The following HEPACAM2 variants were observed in gnomAD, a reference collection of about 807,000 sequenced individuals.
HEPACAM2 encodes the protein mitotic kinetics regulator.
Under a neutral mutation model 49.6 loss-of-function variants are expected in HEPACAM2, and 49 were observed. That is an observed-to-expected ratio of 0.99 (90% CI 0.78 to 1.25). The LOEUF (loss-of-function observed/expected upper bound fraction) is 1.25. HEPACAM2 is among the 50% of genes most tolerant of loss of function. HEPACAM2 has a pLI of 0.00. For missense variants in HEPACAM2, 525 were observed against 557.2 expected (o/e 0.94, Z 0.58); for synonymous variants, 197 against 202.9 (o/e 0.97, Z 0.25).
intron 3 of HEPACAM2, among the ~76,000 whole-genome samples, chr7:93,213,718 G>A (rs2116698602): frequency 6.6e-6 from 1 of 152,180 alleles, no homozygotes; most frequent in Middle Eastern, 3.4e-3. Context: ...CAAGAGTCAA[G>A]GAAAATATAA....
intron 3 of HEPACAM2, among the ~76,000 whole-genome samples, chr7:93,213,017 C>G (rs1325739374): frequency 6.6e-6 from 1 of 152,018 alleles, no homozygotes; most frequent in Non-Finnish European, 1.5e-5. Flanking sequence ...AATCACATAT[C>G]ATCTGTTCTC....
upstream of HEPACAM2, chr7:93,226,573 A>G: frequency 1.0e-5 from 7 of 692,590 alleles, no homozygotes; most frequent in Non-Finnish European, 1.3e-5. Context: ...TACAGAATGA[A>G]TGTGTATACA....
chr7:93,222,748 C>T (rs377405646), intron 1 of HEPACAM2, among the ~76,000 whole-genome samples: 3 of 151,994 alleles, frequency 2.0e-5, no homozygotes, highest in Non-Finnish European at 2.9e-5. Context: ...AGGCCTTTCT[C>T]GACTCTCTTA....
chr7:93,202,576 T>A (rs1405660690), intron 4 of HEPACAM2, among the ~76,000 whole-genome samples: 1 of 152,158 alleles, frequency 6.6e-6, no homozygotes, highest in Admixed American at 6.6e-5. Context: ...ATAGCCAGAC[T>A]GCCATCACCA....
Position 93,215,433 on chromosome 7 carries a change from A to C in HEPACAM2, c.683T>G (p.Met228Arg). Residue 228 changes from methionine to arginine, a missense_variant, in exon 3 of 10, where the codon ATG (methionine) becomes AGG (arginine). Met to Arg is a moderately conservative substitution (Grantham distance 91). Transcript: ENST00000394468. ...GATGGGCATAATGATATCACTTTCC[A>C]TTTCACTGACAGGGTTCCTCACCAG... Reference protein sequence around the residue: ...SCLVRNPVSEMESDIIMPIIY... With the variant: ...SCLVRNPVSERESDIIMPIIY... 6.2e-7 allele frequency: 1 copy of C among 1,613,776 alleles called. No homozygotes were observed. Among genetic ancestry groups the C allele is most frequent in the Non-Finnish European group, 8.5e-7 (1 of 1,179,792 alleles).
Position 93,197,551 on chromosome 7 carries a change from T to A in HEPACAM2, c.1072A>T (p.Ile358Leu), listed in dbSNP as rs184972478. The change falls in exon 5 of 10, where the codon ATA becomes TTA. Residue 358 changes from isoleucine (I) to leucine (L), a missense_variant. By Grantham distance (5) the Ile-to-Leu change is conservative. Coordinates refer to ENST00000394468, the MANE Select transcript of HEPACAM2 (RefSeq NM_001039372.4). ...SLSPLASITG[I>L]SLFLIISMCL... ...ATGGATATAATCAAAAATAGTGATA[T>A]TCCAGTTATACTTGCTAAAGGTGAC... 3.0e-5 allele frequency: 48 copies of A among 1,597,044 alleles called. No individual in the cohort carries two copies. The highest frequency in any genetic ancestry group is 1.7e-4 in the Middle Eastern group (1 of 6,010).
intron 3 of HEPACAM2, among the ~76,000 whole-genome samples, chr7:93,211,511 C>G (rs1365578218): frequency 6.6e-6 from 1 of 151,980 alleles, no homozygotes; most frequent in Non-Finnish European, 1.5e-5. Context: ...GTAATGGGAA[C>G]AAAAATTTGT....
At chr7:93,210,391 G>C (rs1420860943) in intron 3 of HEPACAM2, among the ~76,000 whole-genome samples, 1 of 151,898 alleles carries the variant, frequency 6.6e-6, no homozygotes, top group Admixed American at 6.6e-5. Flanking sequence ...TTAAATAGCA[G>C]AGCTGGGTTT....
chr7:93,226,513 T>A, upstream of HEPACAM2: 1 of 1,210,560 alleles, frequency 8.3e-7, no homozygotes, highest in Non-Finnish European at 1.2e-6. Flanking sequence ...CTAGGGAAAT[T>A]AGCAGTGAGG....
intron 5 of HEPACAM2, 26 bp from the exon 6 acceptor site, chr7:93,197,423 G>T (rs774379907): frequency 1.0e-5 from 16 of 1,586,854 alleles, no homozygotes; most frequent in Non-Finnish European, 1.4e-5. Flanking sequence ...AAGAAAAATG[G>T]TAAGGTTTTT....
chr7:93,218,021 C>G (rs1377414305), intron 2 of HEPACAM2, among the ~76,000 whole-genome samples: 1 of 151,800 alleles, frequency 6.6e-6, no homozygotes, highest in Admixed American at 6.6e-5. Context: ...ATGCTAGTAT[C>G]TTGGAGAAAA....
chr7:93,201,482 C>A (rs2116654334), intron 4 of HEPACAM2, among the ~76,000 whole-genome samples: 1 of 151,562 alleles, frequency 6.6e-6, no homozygotes, highest in African/African-American at 2.4e-5. Context: ...TTTTATTTGT[C>A]TTTTAGACTT....
At position 93,208,581 on chromosome 7, in the gene HEPACAM2, T is replaced by C. The variant is rs768940552; in HGVS notation, c.1011A>G (p.Val337=). Reference sequence around the variant, plus strand: ...CCCTTCCTTGTATGTCACACATACCTACGGAAGTGATGATAACTGTGAAAT... The same window carrying C: ...CCCTTCCTTGTATGTCACACATACCCACGGAAGTGATGATAACTGTGAAAT... ...ETHFTVIITS[V]GLEKLAQKGK... Residue 337 remains valine (V), a splice_region_variant and synonymous_variant, in exon 4 of 10, where the codon GTA becomes GTG. Transcript: ENST00000394468. 8.1e-6 allele frequency: 13 copies of C among 1,611,660 alleles called. No individual in the cohort carries two copies. In the South Asian group the frequency reaches 1.3e-4, roughly 16 times the overall value.
chr7:93,222,571 G>T (rs1248463926), intron 1 of HEPACAM2, among the ~76,000 whole-genome samples: 1 of 152,104 alleles, frequency 6.6e-6, no homozygotes, highest in African/African-American at 2.4e-5. Flanking sequence ...TACTGTGCTT[G>T]TTACTTTAAT....
chr7:93,229,128 A>G (rs1244317618), upstream of HEPACAM2, among the ~76,000 whole-genome samples: 2 of 152,228 alleles, frequency 1.3e-5, no homozygotes, highest in African/African-American at 4.8e-5. Context: ...GATGCAGAAC[A>G]GTGGGGAATA....
chr7:93,208,409 TC>T (rs1179162226), intron 4 of HEPACAM2, among the ~76,000 whole-genome samples, 170 bp downstream of exon 4: 1 of 152,070 alleles, frequency 6.6e-6, no homozygotes, highest in Non-Finnish European at 1.5e-5. Flanking sequence ...GAATTTTTTT[TC>T]TTTGAGTCAT....
chr7:93,212,573 G>T (rs1007890425), intron 3 of HEPACAM2, among the ~76,000 whole-genome samples: 2 of 151,892 alleles, frequency 1.3e-5, no homozygotes, highest in African/African-American at 4.8e-5. Context: ...AAAGTCATTT[G>T]TAATTTTATT....
At chr7:93,200,202 C>A (rs1793846316) in intron 4 of HEPACAM2, among the ~76,000 whole-genome samples, 2 of 151,856 alleles carry the variant, frequency 1.3e-5, no homozygotes. Context: ...TAAAATCTCC[C>A]ACTTTGTGAT....
At chr7:93,190,584 C>T (rs1016882919) in intron 9 of HEPACAM2, among the ~76,000 whole-genome samples, 3 of 151,952 alleles carry the variant, frequency 2.0e-5, no homozygotes, top group Admixed American at 6.6e-5. Flanking sequence ...AAGATGACTG[C>T]CTTTTGGAGG....
Sources: gnomAD v4.1 joint callset for allele counts (sites outside exome capture counted in the v4.1 genomes callset) on GRCh38, gnomAD v4.1.1 for gene constraint, MANE v1.5 for transcripts, NCBI Gene and HGNC (gene_info 2026-07-23, HGNC 2026-07-21) for gene names.